Variants in TTYH2 observed in about 807,000 individuals in gnomAD.
TTYH2 encodes tweety family member 2, also known as protein tweety homolog 2.
TTYH2 carries 49 observed loss-of-function variants against 68.3 expected under a neutral mutation model. That is an observed-to-expected ratio of 0.72 (90% CI 0.57 to 0.91). The LOEUF (loss-of-function observed/expected upper bound fraction) is 0.91, where lower values mean the gene tolerates loss of function less well. TTYH2 is among the 40% of genes least tolerant of loss of function. TTYH2 has a pLI of 0.00. For missense variants in TTYH2, 631 were observed against 700.4 expected, an observed-to-expected ratio of 0.90 and a Z score of 1.12; for synonymous variants, 272 against 300.8, an observed-to-expected ratio of 0.90 and a Z score of 0.99.
chr17:74,247,181 CAAA>C (rs71157049), intron 6 of TTYH2, among the ~76,000 whole-genome samples: 24 of 77,202 alleles, frequency 3.1e-4, no homozygotes, highest in African/African-American at 4.6e-4. Flanking sequence ...GACTCTGTCT[CAAA>C]AAAAAAAAAA....
chr17:74,225,010 A>C lies in TTYH2; in HGVS notation c.302+2353A>C, dbSNP rs576694512. Among the ~76,000 whole-genome samples the C allele has an allele frequency of 2.5e-3, 385 of 152,046 alleles. 4 individuals are homozygous for C. The highest frequency in any genetic ancestry group is 7.9e-4 in the Non-Finnish European group (54 of 67,962). ...TCAGACTCCGTCTCAAAAAAAAAAA[A>C]AACAACCAAAAAACTAAGGAGAGAG... On this transcript the variant is annotated intron_variant, in intron 2 of 13. Coordinates refer to ENST00000269346, the MANE Select transcript of TTYH2 (RefSeq NM_032646.6).
intron 1 of TTYH2, among the ~76,000 whole-genome samples, chr17:74,220,567 A>T (rs2050265505): frequency 6.6e-6 from 1 of 152,186 alleles, no homozygotes; most frequent in Admixed American, 6.5e-5. Flanking sequence ...CCTGGGCTGC[A>T]GGGCCCTCTG....
chr17:74,243,688 T>C (rs1040063187), intron 5 of TTYH2, among the ~76,000 whole-genome samples: 2 of 152,218 alleles, frequency 1.3e-5, no homozygotes, highest in East Asian at 1.9e-4. Flanking sequence ...TTCCTCCTTC[T>C]CTGGGCCTGA....
At position 74,261,655 on chromosome 17, in the gene TTYH2, G is replaced by A. The variant is rs1598239674; in HGVS notation, c.*1446G>A. On this transcript the variant is annotated 3_prime_UTR_variant, in exon 14 of 14. Transcript: ENST00000269346. ...AAGCAGGGGCGTGCGGTGACTCGGT[G>A]CTTCTGTTTTGGAAGAACCACCTGT... 1 of 152,580 alleles carries A rather than the reference G, an allele frequency of 6.6e-6. No homozygotes were observed. Among genetic ancestry groups the A allele is most frequent in the Non-Finnish European group, 1.5e-5 (1 of 68,052 alleles). 9.5% of individuals were successfully genotyped at this position (152,580 alleles called of 1,614,324 possible). A position where few individuals can be genotyped will look rare whatever the true frequency, so the allele number is the denominator to read the frequency against.
chr17:74,218,189 T>TG (rs1391695399), intron 1 of TTYH2, among the ~76,000 whole-genome samples: 30 of 108,276 alleles, frequency 2.8e-4, no homozygotes, highest in African/African-American at 9.3e-4. Context: ...GGGAGGGGGG[T>TG]GGGCTCCTAC....
intron 13 of TTYH2, among the ~76,000 whole-genome samples, chr17:74,259,336 C>T (rs777790655): frequency 7.9e-5 from 12 of 152,096 alleles, no homozygotes; most frequent in Non-Finnish European, 1.3e-4. Flanking sequence ...GCCTCAGCCT[C>T]CCAAGTGGCT....
chr17:74,246,835 T>C (rs934612594), intron 6 of TTYH2, among the ~76,000 whole-genome samples: 1 of 152,078 alleles, frequency 6.6e-6, no homozygotes, highest in Non-Finnish European at 1.5e-5. Context: ...ACGTCTTACA[T>C]GGATGGCAGC....
At position 74,214,598 on chromosome 17, in the gene TTYH2, G is replaced by T. The variant is rs916368408; in HGVS notation, c.129+882G>T. ...CCACAAACAGGGCCAGGGCTCCCCA[G>T]ACCTCCCTGCCCAGACAAACAAAGC... is the stretch of plus-strand genomic sequence containing the variant. On this transcript the variant is annotated intron_variant, in intron 1 of 13. Coordinates refer to ENST00000269346, the MANE Select transcript of TTYH2 (RefSeq NM_032646.6). The surrounding 1 kb of genome is among the most constrained non-coding windows in gnomAD (Gnocchi z 4.6). 2.0e-5 allele frequency among the ~76,000 whole-genome samples: 3 copies of T among 152,284 alleles called. No homozygotes were observed. The highest frequency in any genetic ancestry group is 1.9e-4 in the East Asian group (1 of 5,168).
intron 5 of TTYH2, 59 bp downstream of exon 5, chr17:74,243,528 G>A: frequency 1.3e-6 from 2 of 1,566,656 alleles, no homozygotes; most frequent in South Asian, 2.2e-5. Flanking sequence ...CATCATCAGA[G>A]AGAGACGAGG....
chr17:74,219,830 CT>C (rs2050258437), intron 1 of TTYH2, among the ~76,000 whole-genome samples: 1 of 152,038 alleles, frequency 6.6e-6, no homozygotes, highest in South Asian at 2.1e-4. Flanking sequence ...ACGTTTGTGT[CT>C]TTTTGGGTGT....
intron 13 of TTYH2, among the ~76,000 whole-genome samples, chr17:74,255,426 G>A (rs751210866): frequency 6.6e-6 from 1 of 152,134 alleles, no homozygotes; most frequent in African/African-American, 2.4e-5. Context: ...CAGAGCTGTG[G>A]CATTTATCAA....
chr17:74,248,335 G>A, intron 6 of TTYH2: 2 of 986,142 alleles, frequency 2.0e-6, no homozygotes, highest in Non-Finnish European at 2.4e-6. Context: ...GCCTGCGTCT[G>A]CTCCCACCCT....
chr17:74,221,519 C>A (rs2050275491), intron 1 of TTYH2, among the ~76,000 whole-genome samples: 2 of 152,228 alleles, frequency 1.3e-5, no homozygotes. Flanking sequence ...CTGGGAACCC[C>A]TATTGGGGGT....
In TTYH2 at chr17:74,215,514, T is replaced by A. The variant is rs970729074; in HGVS notation, c.129+1798T>A. On this transcript the variant is annotated intron_variant, in intron 1 of 13. Coordinates refer to ENST00000269346, the MANE Select transcript of TTYH2 (RefSeq NM_032646.6). The surrounding 1 kb of genome is among the most constrained non-coding windows in gnomAD (Gnocchi z 4.3). The stretch of plus-strand genomic sequence containing the variant: ...AGGATTCTGGCCCCGGCTCACTTTG[T>A]GCTGGGCATCAAATGGTTCCAGAGG... The A allele has an allele frequency of 2.1e-6, 2 of 968,352 alleles. No individual in the cohort carries two copies. The highest frequency in any genetic ancestry group is 3.3e-5 in the African/African-American group (2 of 61,496). 60.0% of individuals were successfully genotyped at this position (968,352 alleles called of 1,614,324 possible).
At chr17:74,240,705 G>T (rs934720233) in intron 4 of TTYH2, 1 of 152,212 alleles carries the variant, frequency 6.6e-6, no homozygotes, top group African/African-American at 2.4e-5. Flanking sequence ...AAAGCCAAGG[G>T]GCTCCTCTCT....
At position 74,259,942 on chromosome 17, in the gene TTYH2, C is replaced by G. The variant is rs2050731238; in HGVS notation, c.1525-187C>G. ...GGGCGGAGTGGACATTGGAGGACAG[C>G]TGGTCTGTGTGTGCATTTTTTATTT... On this transcript the variant is annotated intron_variant, in intron 13 of 13. Coordinates refer to ENST00000269346, the MANE Select transcript of TTYH2 (RefSeq NM_032646.6). Among the ~76,000 whole-genome samples, 4 of 152,136 alleles carry G rather than the reference C, an allele frequency of 2.6e-5. No homozygotes were observed. In the South Asian group the frequency reaches 8.3e-4, roughly 31 times the overall value.
chr17:74,217,952 G>T lies in TTYH2; in HGVS notation c.129+4236G>T, dbSNP rs1412602611. 6.6e-6 allele frequency among the ~76,000 whole-genome samples: 1 copy of T among 152,104 alleles called. No individual in the cohort carries two copies. The highest frequency in any genetic ancestry group is 1.5e-5 in the Non-Finnish European group (1 of 68,002). On this transcript the variant is annotated intron_variant, in intron 1 of 13. Transcript: ENST00000269346. The surrounding 1 kb of genome is among the most constrained non-coding windows in gnomAD (Gnocchi z 4.0). Reference sequence around the variant, plus strand: ...GTTGCTGTGGGACAAGGAGGTGGCTGCAGGGCACAGTGGGAGGCGTGGGGA... The same window carrying T: ...GTTGCTGTGGGACAAGGAGGTGGCTTCAGGGCACAGTGGGAGGCGTGGGGA...
rs150960767 is a variant in TTYH2 at position 74,229,255 on chromosome 17, G to A, written c.303-1633G>A. On this transcript the variant is annotated intron_variant, in intron 2 of 13. Transcript: ENST00000269346. The stretch of plus-strand genomic sequence containing the variant: ...GTATGTGATCTCAGTAGACCTCAGC[G>A]ATTCCCAGGCCCACCTGTGTCAGAA... 4.1e-3 allele frequency among the ~76,000 whole-genome samples: 631 copies of A among 152,252 alleles called. 1 individual carries two copies. Among genetic ancestry groups the A allele is most frequent in the Admixed American group, 7.7e-3 (118 of 15,302 alleles).
intron 2 of TTYH2, among the ~76,000 whole-genome samples, chr17:74,224,420 G>A (rs2050309775): frequency 6.6e-6 from 1 of 151,902 alleles, no homozygotes; most frequent in Non-Finnish European, 1.5e-5. Context: ...ACACATACAT[G>A]CACACACACA....
Sources: gnomAD v4.1 joint callset for allele counts (sites outside exome capture counted in the v4.1 genomes callset) on GRCh38, gnomAD v4.1.1 for gene constraint, Gnocchi (gnomAD v3.1) non-coding constraint, MANE v1.5 for transcripts, NCBI Gene and HGNC (gene_info 2026-07-23, HGNC 2026-07-21) for gene names.